The following PHF14 variants were observed in gnomAD, a reference collection of about 807,000 sequenced individuals.
PHF14 encodes the protein PHD finger protein 14.
In PHF14, 55 loss-of-function variants were observed where a neutral mutation model predicts 117.9. The observed-to-expected ratio is 0.47, with a 90% CI of 0.38 to 0.58. The LOEUF (loss-of-function observed/expected upper bound fraction) is 0.58, where lower values mean the gene tolerates loss of function less well. Among genes scored for constraint, PHF14 ranks in the 20% least tolerant of loss-of-function variants. The probability of loss-of-function intolerance (pLI) is 0.00; values close to 1 mark genes in which losing one functional copy is unlikely to be tolerated. For synonymous variants in PHF14, 409 were observed against 368.6 expected, an observed-to-expected ratio of 1.11 and a Z score of -1.26; for missense variants, 978 against 1,122.2, an observed-to-expected ratio of 0.87 and a Z score of 1.84.
chr7:11,073,353 G>A (rs1785698026), intron 16 of PHF14, among the ~76,000 whole-genome samples: 1 of 152,206 alleles, frequency 6.6e-6, no homozygotes. Context: ...GAAACAGGCA[G>A]TAGGCCCCCA....
At chr7:11,106,879 C>G in intron 16 of PHF14, 1 of 983,136 alleles carries the variant, frequency 1.0e-6, no homozygotes, top group South Asian at 4.7e-5. Context: ...TTTTGTTTTG[C>G]TTTATATAAA....
At chr7:11,107,056 G>A (rs1787292381) in intron 16 of PHF14, 23 of 983,446 alleles carry the variant, frequency 2.3e-5, no homozygotes, top group Non-Finnish European at 2.8e-5. Flanking sequence ...CATAGGAGGT[G>A]CACTTAATTG....
At chr7:11,159,671 T>C (rs1031458886) in intron 17 of PHF14, among the ~76,000 whole-genome samples, 1 of 152,112 alleles carries the variant, frequency 6.6e-6, no homozygotes, top group Admixed American at 6.5e-5. Flanking sequence ...GATGTTACCA[T>C]TGAGGGAAAC....
chr7:11,102,606 G>T, intron 16 of PHF14: 1 of 1,571,094 alleles, frequency 6.4e-7, no homozygotes, highest in Non-Finnish European at 8.6e-7. Flanking sequence ...ATAAAGTAAA[G>T]GAGAACAGCT....
intron 3 of PHF14, among the ~76,000 whole-genome samples, chr7:10,984,941 A>T (rs1782161611): frequency 6.6e-6 from 1 of 152,216 alleles, no homozygotes; most frequent in Admixed American, 6.5e-5. Context: ...TTCTTCGAAA[A>T]GTGCCCATGT....
chr7:11,135,741 A>G (rs185007416), intron 17 of PHF14, among the ~76,000 whole-genome samples: 1 of 152,270 alleles, frequency 6.6e-6, no homozygotes, highest in Admixed American at 6.5e-5. Flanking sequence ...CCTATTGCAA[A>G]TGAAGACAGC....
At chr7:11,090,468 G>A (rs1786601383) in intron 16 of PHF14, among the ~76,000 whole-genome samples, 1 of 152,158 alleles carries the variant, frequency 6.6e-6, no homozygotes, top group Non-Finnish European at 1.5e-5. Flanking sequence ...ACTCATTTAT[G>A]TCAATTATTA....
At chr7:11,161,900 G>A (rs76476085) in intron 17 of PHF14, among the ~76,000 whole-genome samples, 12,467 of 150,216 alleles carry the variant, frequency 0.083, 550 homozygotes, top group African/African-American at 0.11. Context: ...CACTTCATGC[G>A]TATTTCCCAG....
intron 4 of PHF14, among the ~76,000 whole-genome samples, chr7:11,003,524 AT>A (rs1782956938): frequency 6.6e-6 from 1 of 152,212 alleles, no homozygotes; most frequent in South Asian, 2.1e-4. Context: ...ATATGTTGTT[AT>A]GGGATACATA....
chr7:11,153,720 A>G (rs1331061247), intron 17 of PHF14, among the ~76,000 whole-genome samples: 3 of 152,074 alleles, frequency 2.0e-5, no homozygotes, highest in Admixed American at 6.5e-5. Flanking sequence ...TTAACAGAAA[A>G]CCCACCTACT....
chr7:11,166,558 C>T (rs989843365), intron 17 of PHF14, among the ~76,000 whole-genome samples: 3 of 152,072 alleles, frequency 2.0e-5, no homozygotes, highest in Non-Finnish European at 4.4e-5. Flanking sequence ...CATAAATTAG[C>T]ATTTCCAAAA....
intron 6 of PHF14, among the ~76,000 whole-genome samples, chr7:11,026,485 G>A (rs1041355729): frequency 3.3e-5 from 5 of 152,222 alleles, no homozygotes; most frequent in Admixed American, 3.3e-4. Context: ...TTTAACAGAG[G>A]TTATTTGAGC....
chr7:10,977,319 C>T (rs1185545649), intron 2 of PHF14, among the ~76,000 whole-genome samples: 2 of 152,106 alleles, frequency 1.3e-5, no homozygotes, highest in African/African-American at 4.8e-5. Context: ...GAACTACGGA[C>T]TTCCTTAGAA....
At chr7:11,081,411 C>G (rs1786095521) in intron 16 of PHF14, among the ~76,000 whole-genome samples, 1 of 152,056 alleles carries the variant, frequency 6.6e-6, no homozygotes, top group African/African-American at 2.4e-5. Context: ...ATATTTGGAA[C>G]CAACACAAAT....
chr7:11,065,902 A>G (rs1477117699), intron 16 of PHF14, among the ~76,000 whole-genome samples: 1 of 152,140 alleles, frequency 6.6e-6, no homozygotes, highest in African/African-American at 2.4e-5. Flanking sequence ...CCTCTTAAAT[A>G]GCATCTTTAA....
chr7:10,995,268 C>A (rs780912219), intron 4 of PHF14, among the ~76,000 whole-genome samples: 2 of 152,048 alleles, frequency 1.3e-5, no homozygotes, highest in African/African-American at 2.4e-5. Flanking sequence ...TATTTACAAT[C>A]CCTTAGCTAG....
intron 6 of PHF14, 63 bp downstream of exon 6, chr7:11,023,042 C>G: frequency 1.2e-6 from 1 of 843,790 alleles, no homozygotes; most frequent in Non-Finnish European, 1.9e-6. Context: ...GTTTACCTGG[C>G]TTTTTATTTG....
At chr7:10,978,121 A>G (rs573074585) in intron 2 of PHF14, among the ~76,000 whole-genome samples, 2 of 152,290 alleles carry the variant, frequency 1.3e-5, no homozygotes, top group South Asian at 4.1e-4. Context: ...TTTAATGAGA[A>G]GTGTCAGCCT....
intron 10 of PHF14, among the ~76,000 whole-genome samples, chr7:11,037,727 T>TA (rs1784359684): frequency 6.6e-6 from 1 of 152,174 alleles, no homozygotes; most frequent in South Asian, 2.1e-4. Context: ...ATAAAACGGG[T>TA]ATTGACTTAT....
Sources: gnomAD v4.1 joint callset for allele counts (sites outside exome capture counted in the v4.1 genomes callset) on GRCh38, gnomAD v4.1.1 for gene constraint, MANE v1.5 for transcripts, NCBI Gene and HGNC (gene_info 2026-07-23, HGNC 2026-07-21) for gene names.